The following RGS6 variants were observed in gnomAD, a reference collection of about 807,000 sequenced individuals.
The protein encoded by RGS6 is regulator of G-protein signaling 6.
RGS6 carries 30 observed loss-of-function variants against 78.5 expected under a neutral mutation model. The observed-to-expected ratio is 0.38, with a 90% CI of 0.29 to 0.52. The LOEUF is 0.52. RGS6 is among the 20% of genes least tolerant of loss of function. The pLI, the probability that RGS6 is intolerant of heterozygous loss-of-function variation, is 0.85. For synonymous variants in RGS6, 206 were observed against 206.0 expected (o/e 1.00, Z 0.00); for missense variants, 495 against 609.7 (o/e 0.81, Z 1.98).
intron 2 of RGS6, among the ~76,000 whole-genome samples, chr14:72,259,744 A>G (rs1789545648): frequency 1.3e-5 from 2 of 151,358 alleles, no homozygotes; most frequent in South Asian, 4.2e-4. Context: ...CGTCTCTACT[A>G]AAAATACAAA....
the RGS6 span, among the ~76,000 whole-genome samples, chr14:71,882,687 C>T: frequency 1.1e-4 from 16 of 152,166 alleles, no homozygotes; most frequent in African/African-American, 3.6e-4. Flanking sequence ...ATGATTTCTG[C>T]CCAGGAGAAA....
rs372672710 is a variant in RGS6, at chr14:72,133,551, T to C, written c.84+168676T>C. 9.2e-5 allele frequency among the ~76,000 whole-genome samples: 14 copies of C among 152,304 alleles called. No homozygotes were observed. The East Asian group carries it at 2.5e-3, about 27-fold the overall frequency. On this transcript the variant is annotated intron_variant, in intron 2 of 17. Transcript: ENST00000553525. ...CTTCCCTTTCCCCAGACTTGGCTAC[T>C]GTCCCCTGGCTTGCAATAACCCCTG...
At chr14:72,309,284 T>G (rs571829777) in intron 2 of RGS6, among the ~76,000 whole-genome samples, 28 of 152,320 alleles carry the variant, frequency 1.8e-4, no homozygotes, top group Middle Eastern at 3.4e-3. Flanking sequence ...CTTGCCACCT[T>G]GTTACAAGCC....
chr14:71,936,638 C>T (rs1253948035), intron 1 of RGS6, among the ~76,000 whole-genome samples: 5 of 152,140 alleles, frequency 3.3e-5, no homozygotes, highest in African/African-American at 1.2e-4. Flanking sequence ...TTTGTACAAC[C>T]AGAAATGCAC....
intron 3 of RGS6, among the ~76,000 whole-genome samples, chr14:72,355,920 A>G (rs1323013135): frequency 6.6e-6 from 1 of 152,196 alleles, no homozygotes; most frequent in East Asian, 1.9e-4. Flanking sequence ...CAGCTATAAT[A>G]GAGTCAAGAA....
chr14:72,079,326 C>G (rs951521696), intron 2 of RGS6, among the ~76,000 whole-genome samples: 1 of 152,124 alleles, frequency 6.6e-6, no homozygotes, highest in Admixed American at 6.5e-5. Context: ...CATATATTAT[C>G]TGTGTAGACT....
chr14:72,514,928 G>A (rs542824036), intron 14 of RGS6, among the ~76,000 whole-genome samples: 9 of 152,360 alleles, frequency 5.9e-5, no homozygotes, highest in South Asian at 2.1e-4. Context: ...TCTCTGCAGC[G>A]GGGAATGTGG....
At chr14:71,946,848 G>C (rs757819233) in intron 1 of RGS6, among the ~76,000 whole-genome samples, 2 of 152,188 alleles carry the variant, frequency 1.3e-5, no homozygotes, top group Non-Finnish European at 2.9e-5. Context: ...GGAGGAGTCC[G>C]TGTTGATGAA....
intron 2 of RGS6, among the ~76,000 whole-genome samples, chr14:72,224,406 G>C (rs895422250): frequency 1.4e-4 from 21 of 151,828 alleles, no homozygotes; most frequent in Admixed American, 3.9e-4. Context: ...GACACAGCCA[G>C]ACCCTATCTC....
chr14:72,247,585 A>G (rs1714631382), intron 2 of RGS6, among the ~76,000 whole-genome samples: 1 of 152,190 alleles, frequency 6.6e-6, no homozygotes, highest in South Asian at 2.1e-4. Context: ...TAAAATACTG[A>G]TTTCTGTGGT....
At chr14:72,284,495 A>C (rs1017993114) in intron 2 of RGS6, among the ~76,000 whole-genome samples, 11 of 152,232 alleles carry the variant, frequency 7.2e-5, no homozygotes, top group Admixed American at 1.3e-4. Context: ...GGCAGCTTCC[A>C]CGTGGGCACA....
intron 3 of RGS6, among the ~76,000 whole-genome samples, chr14:72,353,702 G>C (rs1248744549): frequency 6.6e-6 from 1 of 152,144 alleles, no homozygotes; most frequent in African/African-American, 2.4e-5. Flanking sequence ...CATGGAACAG[G>C]CCAGGCATGA....
intron 2 of RGS6, among the ~76,000 whole-genome samples, chr14:72,115,170 C>T (rs149375214): frequency 1.3e-5 from 2 of 152,318 alleles, no homozygotes; most frequent in Admixed American, 6.5e-5. Context: ...ACCAAATCTT[C>T]AACCCTAGCG....
At position 72,259,635 on chromosome 14, in the gene RGS6, C is replaced by T. The variant is rs557602805; in HGVS notation, c.85-92460C>T. ...AAAAATGCTTAATGAGGGCCGGGCG[C>T]GGTGGCTCACGCCTGTAATCCCAGC... On this transcript the variant is annotated intron_variant, in intron 2 of 17. Transcript: ENST00000553525. 2.4e-4 allele frequency among the ~76,000 whole-genome samples: 37 copies of T among 152,236 alleles called. No individual in the cohort carries two copies. In the South Asian group the frequency reaches 4.8e-3, roughly 20 times the overall value.
intron 2 of RGS6, among the ~76,000 whole-genome samples, chr14:72,299,883 C>T (rs566486657): frequency 1.3e-5 from 2 of 152,188 alleles, no homozygotes; most frequent in East Asian, 1.9e-4. Context: ...TCATTTCTCT[C>T]GTTTTTTTCT....
chr14:72,135,065 A>G (rs1287806022), intron 2 of RGS6, among the ~76,000 whole-genome samples: 1 of 152,170 alleles, frequency 6.6e-6, no homozygotes, highest in African/African-American at 2.4e-5. Context: ...CTGACACATA[A>G]AATTAACCAT....
At chr14:72,454,207 G>A (rs1043960346) in intron 3 of RGS6, among the ~76,000 whole-genome samples, 2 of 152,220 alleles carry the variant, frequency 1.3e-5, no homozygotes, top group Non-Finnish European at 2.9e-5. Flanking sequence ...CCTTCTTCAA[G>A]AAATGGTCTG....
At position 72,242,155 on chromosome 14, in the gene RGS6, C is replaced by T. The variant is rs376609989; in HGVS notation, c.85-109940C>T. Among the ~76,000 whole-genome samples, 7 of 152,216 alleles carry T rather than the reference C, an allele frequency of 4.6e-5. No individual in the cohort carries two copies. In the East Asian group the frequency reaches 7.7e-4, roughly 17 times the overall value. ...TATTTACCCATGCATGGGAGAGCTG[C>T]TCAGTAATGAGTAACCCACCGACTA... On this transcript the variant is annotated intron_variant, in intron 2 of 17. Coordinates refer to ENST00000553525, the MANE Select transcript of RGS6 (RefSeq NM_001204424.2).
chr14:72,039,896 G>T (rs538198531), intron 2 of RGS6, among the ~76,000 whole-genome samples: 13 of 113,978 alleles, frequency 1.1e-4, no homozygotes, highest in African/African-American at 4.2e-4. Context: ...TTTTCTTTGC[G>T]GTTGCTATGG....
Sources: gnomAD v4.1 joint callset for allele counts (sites outside exome capture counted in the v4.1 genomes callset) on GRCh38, gnomAD v4.1.1 for gene constraint, MANE v1.5 for transcripts, NCBI Gene and HGNC (gene_info 2026-07-23, HGNC 2026-07-21) for gene names.